Variants in FRMPD4 observed in about 807,000 individuals in gnomAD.
The protein encoded by FRMPD4 is FERM and PDZ domain-containing protein 4.
A neutral mutation model predicts 94.1 loss-of-function variants in FRMPD4; 22 were observed. The observed-to-expected ratio is 0.23, with a 90% CI of 0.17 to 0.33. The LOEUF is 0.33. FRMPD4 is among the 10% of genes least tolerant of loss of function. FRMPD4 has a pLI of 1.00. For synonymous variants in FRMPD4, 631 were observed against 548.6 expected (o/e 1.15, Z -2.10); for missense variants, 1,111 against 1,339.9 (o/e 0.83, Z 2.67).
At chrX:12,156,004 C>T (rs967646012) in intron 1 of FRMPD4, among the ~76,000 whole-genome samples, 3 of 111,954 alleles carry the variant, frequency 2.7e-5, no homozygotes, top group Non-Finnish European at 5.6e-5. Context: ...CTATCTGGCC[C>T]TTTACAGAAA....
intron 3 of FRMPD4, among the ~76,000 whole-genome samples, chrX:12,034,085 C>T (rs1024844454): frequency 8.9e-6 from 1 of 112,412 alleles, no homozygotes; most frequent in Admixed American, 9.4e-5. Context: ...TATTTCCCAA[C>T]CATACTATTT....
At chrX:12,087,726 C>T (rs937096808) in intron 3 of FRMPD4, among the ~76,000 whole-genome samples, 2 of 112,040 alleles carry the variant, frequency 1.8e-5, no homozygotes, top group Non-Finnish European at 3.8e-5. Context: ...CTTTCTTCCC[C>T]CCAAAGCATG....
intron 1 of FRMPD4, among the ~76,000 whole-genome samples, chrX:12,486,987 A>G (rs2148205010): frequency 8.9e-6 from 1 of 112,376 alleles, no homozygotes; most frequent in Admixed American, 9.5e-5. Flanking sequence ...CTTGCTATAG[A>G]TTTTTTATTA....
intron 3 of FRMPD4, among the ~76,000 whole-genome samples, chrX:11,886,450 G>A (rs1246964827): frequency 9.0e-6 from 1 of 111,388 alleles, no homozygotes; most frequent in African/African-American, 3.3e-5. Flanking sequence ...CTTTCCCCAG[G>A]CAATTCAATA....
intron 1 of FRMPD4, among the ~76,000 whole-genome samples, chrX:12,277,455 G>A (rs150048712): frequency 3.6e-4 from 40 of 112,086 alleles, no homozygotes; most frequent in African/African-American, 1.3e-3. Flanking sequence ...AAACAGGCTT[G>A]GGCTAGGCGG....
Position 11,998,173 on chromosome X carries a change from C to A in FRMPD4, c.95+120155C>A, listed in dbSNP as rs185396006. 3.0e-3 allele frequency among the ~76,000 whole-genome samples: 338 copies of A among 111,656 alleles called. 2 individuals carry two copies. Among genetic ancestry groups the A allele is most frequent in the African/African-American group, 0.011 (326 of 30,791 alleles). ...TGTTGAAGGATTTTCTGATTCCCAC[C>A]CCCTGCAAGGCCGCAATCAATGTTA... On this transcript the variant is annotated intron_variant, in intron 3 of 18. Transcript: ENST00000640291.
intron 3 of FRMPD4, among the ~76,000 whole-genome samples, chrX:12,012,068 T>G (rs965701253): frequency 3.6e-5 from 4 of 110,383 alleles, no homozygotes; most frequent in Admixed American, 9.6e-5. Context: ...GCCCAGCTAA[T>G]TTTTGTATTT....
At chrX:12,435,146 A>G (rs1331955404) in intron 1 of FRMPD4, among the ~76,000 whole-genome samples, 1 of 111,699 alleles carries the variant, frequency 9.0e-6, no homozygotes, top group Non-Finnish European at 1.9e-5. Context: ...ATTCATGCTT[A>G]CTTTATAGTT....
chrX:12,344,254 G>A (rs1265896027), intron 1 of FRMPD4, among the ~76,000 whole-genome samples: 1 of 111,746 alleles, frequency 8.9e-6, no homozygotes, highest in Non-Finnish European at 1.9e-5. Context: ...TTCGTTGAAG[G>A]TCTTGAGGTC....
chrX:11,942,100 T>G (rs1214065348), intron 3 of FRMPD4, among the ~76,000 whole-genome samples: 1 of 112,447 alleles, frequency 8.9e-6, no homozygotes, highest in Non-Finnish European at 1.9e-5. Flanking sequence ...CAGTATAAAC[T>G]TACGTATTTA....
chrX:12,123,489 C>A lies in FRMPD4; in HGVS notation c.95+245471C>A, dbSNP rs542268332. 8.1e-5 allele frequency among the ~76,000 whole-genome samples: 9 copies of A among 111,641 alleles called. No individual in the cohort carries two copies. The South Asian group carries it at 3.4e-3, about 43-fold the overall frequency. The stretch of plus-strand genomic sequence containing the variant: ...TTGTTCCTTGCACTCTAGCATCTCT[C>A]TCCATTGCTTGACCTTAGTAGAAAA... On this transcript the variant is annotated intron_variant, in intron 3 of 18. Coordinates refer to the FRMPD4 transcript ENST00000640291.
intron 1 of FRMPD4, among the ~76,000 whole-genome samples, chrX:12,453,716 A>G (rs1476653773): frequency 9.2e-6 from 1 of 108,981 alleles, no homozygotes; most frequent in Non-Finnish European, 1.9e-5. Flanking sequence ...GTGACAGAAT[A>G]AAGTAAAAAC....
chrX:12,667,090 T>G (rs756530918), intron 4 of FRMPD4, among the ~76,000 whole-genome samples: 3 of 112,426 alleles, frequency 2.7e-5, no homozygotes, highest in Non-Finnish European at 5.6e-5. Context: ...ATAAAAATAC[T>G]GCACATCCAT....
chrX:12,316,720 A>G (rs1033563230), intron 1 of FRMPD4, among the ~76,000 whole-genome samples: 6 of 110,895 alleles, frequency 5.4e-5, no homozygotes, highest in Middle Eastern at 4.6e-3. Flanking sequence ...TTTTAGCATT[A>G]CAAAGAGTAC....
At chrX:12,633,071 G>A (rs926224242) in intron 4 of FRMPD4, among the ~76,000 whole-genome samples, 1 of 111,874 alleles carries the variant, frequency 8.9e-6, no homozygotes, top group Non-Finnish European at 1.9e-5. Context: ...ATTCGTAGTT[G>A]AGGAAACAGG....
intron 3 of FRMPD4, among the ~76,000 whole-genome samples, chrX:12,091,100 A>T (rs1301832157): frequency 8.9e-6 from 1 of 112,369 alleles, no homozygotes; most frequent in Non-Finnish European, 1.9e-5. Context: ...TGTTCTGAGC[A>T]CATCACATCA....
At chrX:12,115,718 T>C (rs192310040) in intron 3 of FRMPD4, among the ~76,000 whole-genome samples, 1 of 110,182 alleles carries the variant, frequency 9.1e-6, no homozygotes, top group African/African-American at 3.3e-5. Context: ...GATTAACTCA[T>C]GTCCCTTCAT....
At chrX:12,032,328 G>A (rs1385426700) in intron 3 of FRMPD4, among the ~76,000 whole-genome samples, 2 of 112,064 alleles carry the variant, frequency 1.8e-5, no homozygotes, top group Non-Finnish European at 3.8e-5. Flanking sequence ...GAACTCCTAC[G>A]CTTGTACAGG....
chrX:12,213,529 C>T (rs1205933887), intron 1 of FRMPD4, among the ~76,000 whole-genome samples: 2 of 111,991 alleles, frequency 1.8e-5, no homozygotes, highest in Non-Finnish European at 3.8e-5. Flanking sequence ...ATCCTGAGAG[C>T]ACTTTACTTG....
Sources: gnomAD v4.1 joint callset for allele counts (sites outside exome capture counted in the v4.1 genomes callset) on GRCh38, gnomAD v4.1.1 for gene constraint, MANE v1.5 for transcripts, NCBI Gene and HGNC (gene_info 2026-07-23, HGNC 2026-07-21) for gene names.